Variants in STOX2 observed in about 807,000 individuals in gnomAD.
STOX2 encodes storkhead-box protein 2.
STOX2 carries 28 observed loss-of-function variants against 60.9 expected under a neutral mutation model. The observed-to-expected ratio is 0.46, with a 90% CI of 0.34 to 0.63. STOX2 has a LOEUF of 0.63. STOX2 is among the 30% of genes least tolerant of loss of function. The pLI, the probability that STOX2 is intolerant of heterozygous loss-of-function variation, is 0.01. For missense variants in STOX2, 1,024 were observed against 1,187.7 expected (o/e 0.86, Z 2.03); for synonymous variants, 472 against 463.9 (o/e 1.02, Z -0.22).
chr4:183,835,364 C>T (rs1399530909), intron 1 of STOX2, among the ~76,000 whole-genome samples: 2 of 151,722 alleles, frequency 1.3e-5, no homozygotes, highest in Non-Finnish European at 2.9e-5. Flanking sequence ...GCTGGGACTA[C>T]AGGCGCCCAC....
At chr4:183,824,344 C>T (rs73010521) in intron 1 of STOX2, among the ~76,000 whole-genome samples, 9,722 of 152,126 alleles carry the variant, frequency 0.064, 995 homozygotes, top group African/African-American at 0.22. Context: ...CGACATTCTA[C>T]TTTCATTTAA....
chr4:183,976,681 C>CAAAA (rs1432096472), intron 1 of STOX2, among the ~76,000 whole-genome samples: 2 of 152,160 alleles, frequency 1.3e-5, no homozygotes, highest in African/African-American at 4.8e-5. Context: ...ATGTAACAAA[C>CAAAA]TTGTGCATAT....
chr4:183,963,769 A>G (rs1743479912), intron 1 of STOX2, among the ~76,000 whole-genome samples: 1 of 119,758 alleles, frequency 8.4e-6, no homozygotes, highest in Non-Finnish European at 1.8e-5. Flanking sequence ...ATGCAACCTT[A>G]CTGGCTTTCT....
At chr4:183,955,961 G>C (rs1743236134) in intron 1 of STOX2, among the ~76,000 whole-genome samples, 4 of 132,086 alleles carry the variant, frequency 3.0e-5, no homozygotes, top group Non-Finnish European at 6.5e-5. Context: ...TCCAGAGGGA[G>C]AGTAAGGCAT....
rs367814520 is a variant in STOX2, at chr4:183,989,194, G to GT, written c.167-12128dup. Reference sequence around the variant, plus strand: ...GTTTTTTTTTTTTTTTTTTTTTTTTGTTTGTTTGGTTTGGTTTGGTTTTTT... The same window carrying GT: ...GTTTTTTTTTTTTTTTTTTTTTTTTGTTTTGTTTGGTTTGGTTTGGTTTTTT... On this transcript the variant is annotated intron_variant, in intron 1 of 3. Transcript: ENST00000308497. 8.7e-4 allele frequency among the ~76,000 whole-genome samples: 61 copies of GT among 70,064 alleles called. 1 individual carries two copies. Among genetic ancestry groups the GT allele is most frequent in the African/African-American group, 4.2e-3 (55 of 13,138 alleles). The allele number at this position is 70,064 out of a possible 152,430, so 46.0% of individuals were successfully genotyped here.
chr4:183,880,306 T>C (rs977683401), intron 1 of STOX2, among the ~76,000 whole-genome samples: 1 of 152,156 alleles, frequency 6.6e-6, no homozygotes, highest in Non-Finnish European at 1.5e-5. Flanking sequence ...CCATATACTG[T>C]GAGTGCAGGA....
intron 1 of STOX2, among the ~76,000 whole-genome samples, chr4:183,910,217 G>A (rs538880760): frequency 2.0e-5 from 3 of 152,312 alleles, no homozygotes; most frequent in Admixed American, 2.0e-4. Flanking sequence ...AAGAAGAAAA[G>A]GGATTGGACC....
At chr4:184,013,326 T>A (rs1433227972) in intron 3 of STOX2, among the ~76,000 whole-genome samples, 2 of 152,204 alleles carry the variant, frequency 1.3e-5, no homozygotes, top group Non-Finnish European at 2.9e-5. Context: ...AAACTTGGGG[T>A]GCAGAATATA....
At chr4:183,824,526 G>A (rs1052530841) in intron 1 of STOX2, among the ~76,000 whole-genome samples, 6 of 152,002 alleles carry the variant, frequency 3.9e-5, no homozygotes, top group South Asian at 2.1e-4. Context: ...TGTGTGATTC[G>A]TGTGCCCTAA....
intron 1 of STOX2, among the ~76,000 whole-genome samples, chr4:183,840,261 G>GTGGA (rs1739823572): frequency 6.6e-6 from 1 of 152,212 alleles, no homozygotes; most frequent in Non-Finnish European, 1.5e-5. Context: ...ATTTTTGAGA[G>GTGGA]TGGATGGATT....
intron 1 of STOX2, among the ~76,000 whole-genome samples, chr4:183,945,464 A>G (rs2111135025): frequency 6.6e-6 from 1 of 152,336 alleles, no homozygotes; most frequent in South Asian, 2.1e-4. Flanking sequence ...TTTTGTTTTT[A>G]GATTTTATAG....
chr4:183,840,502 A>G (rs1321106677), intron 1 of STOX2, among the ~76,000 whole-genome samples: 1 of 152,056 alleles, frequency 6.6e-6, no homozygotes, highest in East Asian at 1.9e-4. Context: ...TTCCTGACAC[A>G]CTTAATGGCA....
chr4:183,883,354 C>T, intron 1 of STOX2, among the ~76,000 whole-genome samples: 1 of 147,852 alleles, frequency 6.8e-6, no homozygotes, highest in Admixed American at 6.8e-5. Flanking sequence ...GAGTCTCGCT[C>T]TGTCGCCCAG....
intron 2 of STOX2, among the ~76,000 whole-genome samples, chr4:184,008,040 C>CT (rs1434284038): frequency 7.9e-5 from 12 of 152,214 alleles, no homozygotes; most frequent in African/African-American, 2.9e-4. Context: ...CGGCCCCAGC[C>CT]TTTTAGTCTC....
At position 184,006,899 on chromosome 4, in the gene STOX2, C is replaced by T. The variant is rs1395369163; in HGVS notation, c.320-2259C>T. On this transcript the variant is annotated intron_variant, in intron 2 of 3. Transcript: ENST00000308497. The stretch of plus-strand genomic sequence containing the variant: ...GGCGTAGTGGCGGGCGCCTGTAGTC[C>T]CAGCTACTTGGGAGGCTGAGGCAGG... 2.0e-5 allele frequency among the ~76,000 whole-genome samples: 3 copies of T among 147,828 alleles called. No individual in the cohort carries two copies. In the East Asian group the frequency reaches 5.9e-4, roughly 29 times the overall value.
intron 1 of STOX2, among the ~76,000 whole-genome samples, chr4:183,837,094 A>G (rs1579319157): frequency 6.6e-6 from 1 of 152,128 alleles, no homozygotes; most frequent in East Asian, 1.9e-4. Flanking sequence ...GATTAGTAGC[A>G]GGAGGAAAGA....
At chr4:183,980,043 A>ATAGATAATT (rs1198307895) in intron 1 of STOX2, among the ~76,000 whole-genome samples, 1 of 152,246 alleles carries the variant, frequency 6.6e-6, no homozygotes, top group Non-Finnish European at 1.5e-5. Flanking sequence ...CAGCACAAAT[A>ATAGATAATT]TAGATAATTG....
At chr4:183,957,659 C>T (rs1331576256) in intron 1 of STOX2, among the ~76,000 whole-genome samples, 5 of 152,284 alleles carry the variant, frequency 3.3e-5, no homozygotes, top group South Asian at 2.1e-4. Flanking sequence ...ATCTTGTCCC[C>T]GTGTCTTTTG....
intron 1 of STOX2, among the ~76,000 whole-genome samples, chr4:183,914,681 G>T (rs1181566940): frequency 6.6e-6 from 1 of 152,124 alleles, no homozygotes; most frequent in African/African-American, 2.4e-5. Context: ...TGTGCTTTCT[G>T]TTCCCCTTCT....
Sources: gnomAD v4.1 joint callset for allele counts (sites outside exome capture counted in the v4.1 genomes callset) on GRCh38, gnomAD v4.1.1 for gene constraint, MANE v1.5 for transcripts, NCBI Gene and HGNC (gene_info 2026-07-23, HGNC 2026-07-21) for gene names.